Variants in ZNF398 observed in about 807,000 individuals in gnomAD.
ZNF398 encodes zinc finger protein 398.
Under a neutral mutation model 41.9 loss-of-function variants are expected in ZNF398, and 18 were observed. The ratio of observed to expected loss-of-function variants is 0.43; its 90% CI spans 0.30 to 0.64. The LOEUF (loss-of-function observed/expected upper bound fraction) is 0.64. Ranked by LOEUF, ZNF398 falls within the 30% of genes least tolerant of loss-of-function variation. The pLI, the probability that ZNF398 is intolerant of heterozygous loss-of-function variation, is 0.14. For missense variants in ZNF398, 669 were observed against 822.8 expected (o/e 0.81, Z 2.29); for synonymous variants, 260 against 308.8 (o/e 0.84, Z 1.66).
At chr7:149,164,264 G>T (rs941523962) in intron 2 of ZNF398, among the ~76,000 whole-genome samples, 1 of 147,942 alleles carries the variant, frequency 6.8e-6, no homozygotes, top group African/African-American at 2.5e-5. Context: ...AAAATTAGCC[G>T]GGCGTGGTGG....
At chr7:149,142,882 A>G (rs1224568377), upstream of ZNF398, among the ~76,000 whole-genome samples, 1 of 152,222 alleles carries the variant, frequency 6.6e-6, no homozygotes, top group African/African-American at 2.4e-5. Flanking sequence ...CGAATTTCCC[A>G]TGGAAAAATA....
rs180962243 is a variant in ZNF398, at chr7:149,138,233, T to G, written c.-490+9289T>G. Among the ~76,000 whole-genome samples, 5 of 145,594 alleles carry G rather than the reference T, an allele frequency of 3.4e-5. No individual in the cohort carries two copies. The East Asian group carries it at 8.2e-4, about 24-fold the overall frequency. Reference sequence around the variant, plus strand: ...AAAAAGAAAAAAAAAAAGAAAAAAATTTAATGCTATGCAAGATATTCAAGT... The same window carrying G: ...AAAAAGAAAAAAAAAAAGAAAAAAAGTTAATGCTATGCAAGATATTCAAGT... On this transcript the variant is annotated intron_variant, in intron 2 of 6. Transcript: ENST00000426851.
rs1249545302 is a variant in ZNF398 at position 149,171,004 on chromosome 7, C to T, written c.661+4074C>T. Among the ~76,000 whole-genome samples the T allele has an allele frequency of 2.8e-5, 4 of 143,060 alleles. No individual in the cohort carries two copies. The South Asian group carries it at 6.4e-4, about 23-fold the overall frequency. The allele number at this position is 143,060 out of a possible 152,430, so 93.9% of individuals were successfully genotyped here. ...GACTGCAGGCACGTGCCACCACGCC[C>T]GGCTAATTTTTTTTTTTTTTTTTTT... On this transcript the variant is annotated intron_variant, in intron 4 of 5. Transcript: ENST00000475153.
At chr7:149,131,569 C>G (rs571402280) in intron 2 of ZNF398, among the ~76,000 whole-genome samples, 16 of 152,186 alleles carry the variant, frequency 1.1e-4, no homozygotes, top group Admixed American at 5.2e-4. Context: ...GCCTGTAGTC[C>G]CAGCTACTCG....
intron 4 of ZNF398, among the ~76,000 whole-genome samples, chr7:149,175,314 T>C (rs1298139632): frequency 1.3e-5 from 2 of 151,964 alleles, no homozygotes; most frequent in African/African-American, 4.8e-5. Context: ...CAAGCTCTCT[T>C]GTCAGCTTGC....
intron 2 of ZNF398, among the ~76,000 whole-genome samples, chr7:149,165,820 A>G (rs1795215916): frequency 6.6e-6 from 1 of 152,238 alleles, no homozygotes; most frequent in African/African-American, 2.4e-5. Flanking sequence ...GAGAAAAGGC[A>G]TTTTAAAAGA....
At chr7:149,137,163 G>A (rs1383806496) in intron 2 of ZNF398, among the ~76,000 whole-genome samples, 2 of 151,984 alleles carry the variant, frequency 1.3e-5, no homozygotes, top group African/African-American at 4.8e-5. Flanking sequence ...CACCATGCCC[G>A]GCCCATTGAA....
At chr7:149,128,780 T>TAAAATAAAATAAAATTATATATATATA (rs71192757) in intron 1 of ZNF398, 8 of 143,416 alleles carry the variant, frequency 5.6e-5, no homozygotes, top group African/African-American at 1.9e-4. Flanking sequence ...TAAAATAAAA[T>TAAAATAAAATAAAATTATATATATATA]TATATATATA....
At chr7:149,175,097 G>A (rs910867384) in intron 4 of ZNF398, among the ~76,000 whole-genome samples, 4 of 152,148 alleles carry the variant, frequency 2.6e-5, no homozygotes, top group Non-Finnish European at 4.4e-5. Flanking sequence ...CCCCATAACC[G>A]ATGGTCGTTT....
chr7:149,179,243 T>C lies in ZNF398; in HGVS notation c.1371T>C (p.Cys457=). 6.2e-7 allele frequency: 1 copy of C among 1,613,478 alleles called. No individual in the cohort carries two copies. The highest frequency in any genetic ancestry group is 1.1e-5 in the South Asian group (1 of 91,078). ...RAHASERPFR[C]AQCGRSFSLK... Reference sequence around the variant, plus strand: ...ATGCAAGCGAAAGGCCCTTCCGCTGTGCCCAGTGCGGCAGGAGCTTCAGCT... The same window carrying C: ...ATGCAAGCGAAAGGCCCTTCCGCTGCGCCCAGTGCGGCAGGAGCTTCAGCT... The change falls in exon 6 of 6, where the codon TGT becomes TGC. Residue 457 remains cysteine (C), a synonymous_variant. Coordinates refer to ENST00000475153, the MANE Select transcript of ZNF398 (RefSeq NM_170686.3). The surrounding 1 kb of genome is among the most constrained non-coding windows in gnomAD (Gnocchi z 6.1).
chr7:149,135,384 T>G (rs1197641206), intron 2 of ZNF398, among the ~76,000 whole-genome samples: 2 of 100,734 alleles, frequency 2.0e-5, no homozygotes, highest in African/African-American at 8.9e-5. Context: ...AGCAAGACTC[T>G]GTCTCAAAAA....
intron 4 of ZNF398, among the ~76,000 whole-genome samples, chr7:149,172,624 A>G (rs1795371100): frequency 6.6e-6 from 1 of 152,230 alleles, no homozygotes; most frequent in Non-Finnish European, 1.5e-5. Flanking sequence ...TCTGGTAAGA[A>G]CAAATCTTCT....
In ZNF398 at chr7:149,147,687, T is replaced by TGGCAGCGGC. The variant is rs916636272; in HGVS notation, c.-43_-35dup. The TGGCAGCGGC allele has an allele frequency of 2.4e-5, 31 of 1,274,666 alleles. No individual in the cohort carries two copies. Among genetic ancestry groups the TGGCAGCGGC allele is most frequent in the African/African-American group, 1.7e-4 (11 of 63,976 alleles). 79.0% of individuals were successfully genotyped at this position (1,274,666 alleles called of 1,614,324 possible). On this transcript the variant is annotated 5_prime_UTR_variant, in exon 1 of 6. Coordinates refer to ENST00000475153, the MANE Select transcript of ZNF398 (RefSeq NM_170686.3). This position sits in a 1 kb window ranked among gnomAD's most constrained non-coding sequence, Gnocchi z 5.6. ...CGGGCCTGCTTGGAGCCGGGCGCGG[T>TGGCAGCGGC]GGCAGCGGCGGCAGCGGCGGCGACT...
chr7:149,127,555 A>AAAAAT (rs1554458902), intron 1 of ZNF398, among the ~76,000 whole-genome samples: 3 of 147,510 alleles, frequency 2.0e-5, no homozygotes, highest in African/African-American at 7.5e-5. Context: ...ATACAAAAAA[A>AAAAAT]AAAAAAAAAA....
rs564137987 is a variant in ZNF398, at chr7:149,163,596, A to G, written c.421-2562A>G. On this transcript the variant is annotated intron_variant, in intron 2 of 5. Coordinates refer to ENST00000475153, the MANE Select transcript of ZNF398 (RefSeq NM_170686.3). ...TCCATATTGGTCAGGCTGGTCTTGA[A>G]CTCCCGACCTCAGGTGAGCCACCGC... is the stretch of plus-strand genomic sequence containing the variant. Among the ~76,000 whole-genome samples, 5 of 149,338 alleles carry G rather than the reference A, an allele frequency of 3.3e-5. No individual in the cohort carries two copies. The South Asian group carries it at 8.5e-4, about 25-fold the overall frequency.
Position 149,181,904 on chromosome 7 carries a change from G to A in ZNF398, c.*2103G>A, listed in dbSNP as rs948069795. The A allele has an allele frequency of 5.3e-5, 8 of 152,158 alleles. No homozygotes were observed. The highest frequency in any genetic ancestry group is 1.7e-4 in the African/African-American group (7 of 41,432). The allele number at this position is 152,158 out of a possible 1,614,324, so 9.4% of individuals were successfully genotyped here. A position where few individuals can be genotyped will look rare whatever the true frequency, so the allele number is the denominator to read the frequency against. ...ACTAGGAACTTGAATGTGAGATTCA[G>A]CTCTAGTTTGCACCTTGATTTCCCC... is the stretch of plus-strand genomic sequence containing the variant. On this transcript the variant is annotated 3_prime_UTR_variant, in exon 6 of 6. Transcript: ENST00000475153.
intron 2 of ZNF398, among the ~76,000 whole-genome samples, chr7:149,134,064 CTTT>C (rs143211105): frequency 0.57 from 73,355 of 127,874 alleles, 21,653 homozygotes; most frequent in East Asian, 0.89. Flanking sequence ...CTGTTTTTGT[CTTT>C]TTTTTTTTTT....
At chr7:149,151,577 GC>G (rs1318580770) in intron 1 of ZNF398, among the ~76,000 whole-genome samples, 1 of 151,910 alleles carries the variant, frequency 6.6e-6, no homozygotes, top group Non-Finnish European at 1.5e-5. Context: ...TTTTGGAGCA[GC>G]CTTTTATTTT....
intron 1 of ZNF398, among the ~76,000 whole-genome samples, chr7:149,127,114 AAAACGGGAGAGGTGGGAAGACGCAG>A (rs1826496894): frequency 6.6e-6 from 1 of 152,164 alleles, no homozygotes; most frequent in African/African-American, 2.4e-5. Context: ...CGAAGACGCA[AAAACGGGAGAGGTGGGAAGACGCAG>A]AAGGGGAAAC....
Sources: allele counts gnomAD v4.1 joint callset (sites outside exome capture counted in the v4.1 genomes callset), GRCh38; gene constraint gnomAD v4.1.1; non-coding constraint Gnocchi (gnomAD v3.1); transcripts MANE v1.5; gene names NCBI Gene and HGNC (gene_info 2026-07-23, HGNC 2026-07-21).